The following CDC42BPB variants were observed in gnomAD, a reference collection of about 807,000 sequenced individuals.
CDC42BPB encodes serine/threonine-protein kinase MRCK beta.
Under a neutral mutation model 214.9 loss-of-function variants are expected in CDC42BPB, and 37 were observed. The observed-to-expected ratio is 0.17, with a 90% CI of 0.13 to 0.23. CDC42BPB has a LOEUF of 0.23. Ranked by LOEUF, CDC42BPB falls within the 10% of genes least tolerant of loss-of-function variation. The pLI, the probability that CDC42BPB is intolerant of heterozygous loss-of-function variation, is 1.00. For missense variants in CDC42BPB, 1,694 were observed against 2,227.0 expected (o/e 0.76, Z 4.82); for synonymous variants, 931 against 884.0 (o/e 1.05, Z -0.94).
At chr14:103,039,384 T>C (rs920486138) in intron 1 of CDC42BPB, among the ~76,000 whole-genome samples, 2 of 142,892 alleles carry the variant, frequency 1.4e-5, no homozygotes, top group Non-Finnish European at 3.0e-5. Context: ...CAAAATACAA[T>C]ACTAGCAAAC....
intron 33 of CDC42BPB, 38 bp downstream of exon 33, chr14:102,939,792 A>C (rs763037873): frequency 6.2e-7 from 1 of 1,613,972 alleles, no homozygotes; most frequent in Admixed American, 1.7e-5. Context: ...CCCTCCCTAG[A>C]GCGAGGCCCA....
In CDC42BPB at chr14:103,024,224, T is replaced by C. The variant is rs1468429323; in HGVS notation, c.176-12036A>G. Among the ~76,000 whole-genome samples, 4 of 152,220 alleles carry C rather than the reference T, an allele frequency of 2.6e-5. No homozygotes were observed. The East Asian group carries it at 7.7e-4, about 29-fold the overall frequency. On this transcript the variant is annotated intron_variant, in intron 1 of 36. Coordinates refer to ENST00000361246, the MANE Select transcript of CDC42BPB (RefSeq NM_006035.4). ...GGAAGGCCTCGGACTTGTCTCTGTTTAACTGAGGCGGAAGGACAGAAAGGA... is the reference window on the plus strand; with the variant it reads ...GGAAGGCCTCGGACTTGTCTCTGTTCAACTGAGGCGGAAGGACAGAAAGGA...
At chr14:103,033,893 C>T (rs893478405) in intron 1 of CDC42BPB, among the ~76,000 whole-genome samples, 12 of 152,206 alleles carry the variant, frequency 7.9e-5, no homozygotes, top group East Asian at 7.7e-4. Flanking sequence ...ATCAGCCCCA[C>T]GCCTGGTGTA....
intron 1 of CDC42BPB, among the ~76,000 whole-genome samples, chr14:103,040,850 C>T (rs1887949248): frequency 1.3e-5 from 2 of 152,266 alleles, no homozygotes; most frequent in African/African-American, 2.4e-5. Context: ...GCAATACTCC[C>T]CAAATTGACC....
intron 11 of CDC42BPB, 126 bp from the exon 12 acceptor site, chr14:102,974,275 TTTACTTACA>T: frequency 1.4e-6 from 2 of 1,443,436 alleles, no homozygotes; most frequent in South Asian, 2.8e-5. Context: ...CAGAGGTTTT[TTTACTTACA>T]CACACACACA....
Position 102,974,075 on chromosome 14 carries a change from G to A in CDC42BPB, c.1582C>T (p.Leu528=), listed in dbSNP as rs1330019363. ...CGGTGCTGCTTCTCCAGCCCCCGCA[G>A]CCGCTGCGTGGAGTCCTCACGCTCT... The part of the protein sequence containing the change: ...RQEREDSTQR[L]RGLEKQHRVV... Residue 528 remains leucine, a synonymous_variant, in exon 12 of 37, where the codon CTG becomes TTG. Coordinates refer to ENST00000361246, the MANE Select transcript of CDC42BPB (RefSeq NM_006035.4). The A allele has an allele frequency of 3.7e-6, 6 of 1,613,880 alleles. No individual in the cohort carries two copies. In the Admixed American group the frequency reaches 8.3e-5, roughly 22 times the overall value.
chr14:103,047,139 C>G (rs1442340384), intron 1 of CDC42BPB, among the ~76,000 whole-genome samples: 4 of 151,322 alleles, frequency 2.6e-5, no homozygotes, highest in Admixed American at 2.6e-4. Context: ...CAAAAATTAG[C>G]TGGGCTTGGT....
At chr14:102,948,901 C>T (rs1241929056) in intron 26 of CDC42BPB, among the ~76,000 whole-genome samples, 1 of 151,560 alleles carries the variant, frequency 6.6e-6, no homozygotes, top group Admixed American at 6.6e-5. Context: ...CTGGCGGGTG[C>T]CCCGGGGGAA....
intron 1 of CDC42BPB, among the ~76,000 whole-genome samples, chr14:103,034,693 C>A (rs1306806189): frequency 6.6e-6 from 1 of 152,028 alleles, no homozygotes; most frequent in Non-Finnish European, 1.5e-5. Flanking sequence ...TGATACACAT[C>A]TATAATCCCA....
At chr14:102,941,546 C>T (rs1358337871) in intron 30 of CDC42BPB, 1 of 985,344 alleles carries the variant, frequency 1.0e-6, no homozygotes, top group African/African-American at 1.7e-5. Flanking sequence ...CACTGCCCTT[C>T]AGGGAACCAC....
At chr14:102,953,472 G>T (rs1365262241) in intron 23 of CDC42BPB, among the ~76,000 whole-genome samples, 1 of 152,262 alleles carries the variant, frequency 6.6e-6, no homozygotes, top group Non-Finnish European at 1.5e-5. Context: ...TAGCCTCATA[G>T]AAGTTTGGCT....
chr14:103,002,460 A>T (rs1895031572), intron 4 of CDC42BPB, among the ~76,000 whole-genome samples: 1 of 152,220 alleles, frequency 6.6e-6, no homozygotes, highest in African/African-American at 2.4e-5. Context: ...AATTTAAAAA[A>T]ATATTAGAAA....
At chr14:102,940,167 C>T (rs757954951) in intron 31 of CDC42BPB, 37 bp from the exon 32 acceptor site, 1 of 1,613,740 alleles carries the variant, frequency 6.2e-7, no homozygotes, top group East Asian at 2.2e-5. Flanking sequence ...TAAGCGCGGC[C>T]ACGCACAGAC....
chr14:102,973,916 G>T, intron 12 of CDC42BPB, 100 bp downstream of exon 12: 1 of 1,406,206 alleles, frequency 7.1e-7, no homozygotes, highest in Non-Finnish European at 9.6e-7. Flanking sequence ...CAGCCCATGG[G>T]CAGGAGTCCC....
intron 1 of CDC42BPB, among the ~76,000 whole-genome samples, chr14:103,028,197 T>C (rs952317657): frequency 1.3e-5 from 2 of 152,170 alleles, no homozygotes; most frequent in Non-Finnish European, 2.9e-5. Flanking sequence ...GTCACAACAG[T>C]GTGTACCACA....
chr14:102,980,709 T>C, intron 8 of CDC42BPB, 64 bp downstream of exon 8: 1 of 1,514,754 alleles, frequency 6.6e-7, no homozygotes, highest in Non-Finnish European at 9.1e-7. Flanking sequence ...AGCAACGCCC[T>C]CAACACAGCA....
chr14:102,968,506 A>G lies in CDC42BPB; in HGVS notation c.2206T>C (p.Leu736=), dbSNP rs1283516166. 3.7e-6 allele frequency: 6 copies of G among 1,614,008 alleles called. No individual in the cohort carries two copies. Among genetic ancestry groups the G allele is most frequent in the Non-Finnish European group, 5.1e-6 (6 of 1,180,038 alleles). ...TTTGACTTTTCTAACTTATCTTTTA[A>G]CATCAAGATTTCTTTCTGCAGGGCC... ...QLALQKEILM[L]KDKLEKSKRE... is the part of the protein sequence containing the mutation. Residue 736 remains leucine (L), a synonymous_variant, in exon 15 of 37, where the codon TTA becomes CTA. Coordinates refer to ENST00000361246, the MANE Select transcript of CDC42BPB (RefSeq NM_006035.4).
intron 1 of CDC42BPB, among the ~76,000 whole-genome samples, chr14:103,012,861 C>T (rs1179509107): frequency 6.6e-6 from 1 of 152,172 alleles, no homozygotes; most frequent in Admixed American, 6.5e-5. Flanking sequence ...CAGCTGCCTA[C>T]AGTGTTCGGA....
chr14:103,013,195 C>G (rs1312764807), intron 1 of CDC42BPB, among the ~76,000 whole-genome samples: 1 of 152,210 alleles, frequency 6.6e-6, no homozygotes, highest in Non-Finnish European at 1.5e-5. Flanking sequence ...TGAGTGAGAG[C>G]TGAGCTCCAC....
Sources: allele counts gnomAD v4.1 joint callset (sites outside exome capture counted in the v4.1 genomes callset), GRCh38; gene constraint gnomAD v4.1.1; transcripts MANE v1.5; gene names NCBI Gene and HGNC (gene_info 2026-07-23, HGNC 2026-07-21).